SLC9A1: variants seen among roughly 807,000 people sequenced by gnomAD.
The protein encoded by SLC9A1 is solute carrier family 9 member A1.
A neutral mutation model predicts 67.9 loss-of-function variants in SLC9A1; 22 were observed. The observed-to-expected ratio is 0.32, with a 90% CI of 0.23 to 0.46. The LOEUF is 0.46. Among genes scored for constraint, SLC9A1 ranks in the 20% least tolerant of loss-of-function variants. The probability of loss-of-function intolerance (pLI) is 1.00; values close to 1 mark genes in which losing one functional copy is unlikely to be tolerated. For synonymous variants in SLC9A1, 421 were observed against 471.8 expected (o/e 0.89, Z 1.40); for missense variants, 686 against 1,094.8 (o/e 0.63, Z 5.27).
Position 27,101,943 on chromosome 1 carries a change from G to T in SLC9A1, c.1935+73C>A. ...GGGTGGGTGCCGAGGGGCACGGGCAGGGCAGGGCTGCCGTAGAGAGGGGCT... is the reference window on the plus strand; with the variant it reads ...GGGTGGGTGCCGAGGGGCACGGGCATGGCAGGGCTGCCGTAGAGAGGGGCT... On this transcript the variant is annotated intron_variant, in intron 9 of 11. Coordinates refer to ENST00000263980, the MANE Select transcript of SLC9A1 (RefSeq NM_003047.5). This position sits in a 1 kb window ranked among gnomAD's most constrained non-coding sequence, Gnocchi z 4.9. 1 of 1,437,998 alleles carries T rather than the reference G, an allele frequency of 7.0e-7. No individual in the cohort carries two copies. Among genetic ancestry groups the T allele is most frequent in the Non-Finnish European group, 9.8e-7 (1 of 1,024,028 alleles). 89.1% of individuals were successfully genotyped at this position (1,437,998 alleles called of 1,614,324 possible).
rs2083548597 is a variant in SLC9A1 at position 27,153,968 on chromosome 1, G to A, written c.352+15C>T. ...GTCTGGTGGCGGCCGCAGCATCGGAGCAAACGGGACTTACCTATCTTCATG... is the reference window on the plus strand; with the variant it reads ...GTCTGGTGGCGGCCGCAGCATCGGAACAAACGGGACTTACCTATCTTCATG... On this transcript the variant is annotated intron_variant, in intron 1 of 11. Transcript: ENST00000263980. 1 of 1,513,914 alleles carries A rather than the reference G, an allele frequency of 6.6e-7. No homozygotes were observed. Among genetic ancestry groups the A allele is most frequent in the South Asian group, 1.3e-5 (1 of 77,710 alleles). The allele number at this position is 1,513,914 out of a possible 1,614,324, so 93.8% of individuals were successfully genotyped here.
chr1:27,126,036 C>T (rs1273596205), intron 1 of SLC9A1, among the ~76,000 whole-genome samples: 1 of 152,176 alleles, frequency 6.6e-6, no homozygotes, highest in African/African-American at 2.4e-5. Context: ...ACAAACATGC[C>T]CCCACCTCAG....
intron 1 of SLC9A1, among the ~76,000 whole-genome samples, chr1:27,147,400 G>A (rs551722589): frequency 1.3e-5 from 2 of 151,636 alleles, no homozygotes; most frequent in African/African-American, 4.8e-5. Flanking sequence ...GTTGAAGTAG[G>A]AGAATCACTT....
intron 1 of SLC9A1, among the ~76,000 whole-genome samples, chr1:27,149,186 G>A (rs2083510328): frequency 6.6e-6 from 1 of 152,236 alleles, no homozygotes; most frequent in East Asian, 1.9e-4. Flanking sequence ...CCTGAGTGCA[G>A]GTGCAGTGAG....
At chr1:27,128,657 TAA>T (rs768704005) in intron 1 of SLC9A1, among the ~76,000 whole-genome samples, 92 of 106,550 alleles carry the variant, frequency 8.6e-4, no homozygotes, top group Admixed American at 1.5e-3. Flanking sequence ...ACCCTGTCTT[TAA>T]AAAAAAAAAA....
At chr1:27,123,969 G>C (rs1459128846) in intron 1 of SLC9A1, among the ~76,000 whole-genome samples, 1 of 152,166 alleles carries the variant, frequency 6.6e-6, no homozygotes, top group African/African-American at 2.4e-5. Context: ...TGGGATTACA[G>C]GTGTGTGCCA....
intron 1 of SLC9A1, among the ~76,000 whole-genome samples, chr1:27,136,627 G>A (rs1389470871): frequency 6.6e-6 from 1 of 152,024 alleles, no homozygotes; most frequent in Non-Finnish European, 1.5e-5. Context: ...CCTCTGAAGG[G>A]AGCCACCACC....
rs1427039260 is a variant in SLC9A1, at chr1:27,113,850, G to C, written c.789C>G (p.Ser263=). ...CCACAGTGACGGCGTCATTGAGCAA[G>C]GACTCCCCAAAAACAAGGATGTGCA... ...ELLHILVFGE[S]LLNDAVTVVL... The change falls in exon 2 of 12, where the codon TCC becomes TCG. Residue 263 remains serine (S), a synonymous_variant. Transcript: ENST00000263980. 6.2e-7 allele frequency: 1 copy of C among 1,613,484 alleles called. No homozygotes were observed. Among genetic ancestry groups the C allele is most frequent in the Admixed American group, 1.7e-5 (1 of 60,020 alleles).
In SLC9A1 at chr1:27,154,483, T is replaced by C. The variant is rs907163136; in HGVS notation, c.-149A>G. The C allele has an allele frequency of 2.8e-5, 15 of 530,038 alleles. No individual in the cohort carries two copies. The Admixed American group carries it at 3.4e-4, about 12-fold the overall frequency. The allele number at this position is 530,038 out of a possible 1,614,324, so 32.8% of individuals were successfully genotyped here. A position where few individuals can be genotyped will look rare whatever the true frequency, so the allele number is the denominator to read the frequency against. ...AGAGAGGCATTTCCATGGAAGCAAT[T>C]TTCTGGGGGTGGAGGGAGGCTGGGT... On this transcript the variant is annotated 5_prime_UTR_variant, in exon 1 of 12. Transcript: ENST00000263980.
At chr1:27,112,209 C>T (rs749318565) in intron 2 of SLC9A1, among the ~76,000 whole-genome samples, 2 of 152,178 alleles carry the variant, frequency 1.3e-5, no homozygotes, top group Non-Finnish European at 2.9e-5. Flanking sequence ...AGGATGGAGG[C>T]CTGCCTGCTC....
intron 1 of SLC9A1, among the ~76,000 whole-genome samples, chr1:27,115,048 G>A (rs887575487): frequency 6.6e-6 from 1 of 152,166 alleles, no homozygotes; most frequent in African/African-American, 2.4e-5. Context: ...TAAAGATGGG[G>A]CAACTAAGGC....
rs893883867 is a variant in SLC9A1, at chr1:27,099,518, T to A, written c.*789A>T. 1 of 152,616 alleles carries A rather than the reference T, an allele frequency of 6.6e-6. No homozygotes were observed. Among genetic ancestry groups the A allele is most frequent in the Non-Finnish European group, 1.5e-5 (1 of 68,086 alleles). The allele number at this position is 152,616 out of a possible 1,614,324, so 9.5% of individuals were successfully genotyped here. A position where few individuals can be genotyped will look rare whatever the true frequency, so the allele number is the denominator to read the frequency against. The stretch of plus-strand genomic sequence containing the variant: ...TTCAGCCAGGGGTTTTCAAAATGTT[T>A]TAAAAACAGGAGCGCCCTCTGTGCA... On this transcript the variant is annotated 3_prime_UTR_variant, in exon 12 of 12. Coordinates refer to ENST00000263980, the MANE Select transcript of SLC9A1 (RefSeq NM_003047.5).
intron 1 of SLC9A1, among the ~76,000 whole-genome samples, chr1:27,127,009 G>C (rs1168708818): frequency 6.6e-6 from 1 of 151,962 alleles, no homozygotes; most frequent in African/African-American, 2.4e-5. Flanking sequence ...TGCGGGGGGA[G>C]GGGGCAGGGA....
chr1:27,115,735 CAA>C (rs112070851), intron 1 of SLC9A1, among the ~76,000 whole-genome samples: 2 of 139,284 alleles, frequency 1.4e-5, no homozygotes, highest in African/African-American at 2.6e-5. Flanking sequence ...AGCCCAGCCT[CAA>C]AAAAAAAAAA....
Position 27,100,657 on chromosome 1 carries a change from A to T in SLC9A1, c.2111-13T>A, listed in dbSNP as rs200339796. 6.3e-7 allele frequency: 1 copy of T among 1,588,302 alleles called. No individual in the cohort carries two copies. Among genetic ancestry groups the T allele is most frequent in the African/African-American group, 1.3e-5 (1 of 74,526 alleles). On this transcript the variant is annotated splice_polypyrimidine_tract_variant and intron_variant, in intron 11 of 11. Coordinates refer to ENST00000263980, the MANE Select transcript of SLC9A1 (RefSeq NM_003047.5). This position sits in a 1 kb window ranked among gnomAD's most constrained non-coding sequence, Gnocchi z 5.6. ...TAGGCCAGTGGGTCTGGGGACCAAG[A>T]GCAAGGCACAAGCTGGGTTCCGCTC...
chr1:27,131,947 A>AAAAAAAT lies in SLC9A1; in HGVS notation c.353-17662_353-17661insATTTTTT. 3.1e-3 allele frequency among the ~76,000 whole-genome samples: 161 copies of AAAAAAAT among 52,088 alleles called. 1 individual carries two copies. Among genetic ancestry groups the AAAAAAAT allele is most frequent in the Non-Finnish European group, 4.7e-3 (122 of 26,054 alleles). 34.2% of individuals were successfully genotyped at this position (52,088 alleles called of 152,430 possible). The stretch of plus-strand genomic sequence containing the variant: ...AAAAGAAGAAGAAGAAGAAAAAAAA[A>AAAAAAAT]ATATATATATATATATATATATATA... On this transcript the variant is annotated intron_variant, in intron 1 of 11. Coordinates refer to ENST00000263980, the MANE Select transcript of SLC9A1 (RefSeq NM_003047.5).
rs1004479636 is a variant in SLC9A1 at position 27,109,991 on chromosome 1, A to G, written c.814-214T>C. ...GGGCCAGCCACGTGCCCCACTGGTG[A>G]AGGGTGGGCCCTGGGAAGCTCTGTG... On this transcript the variant is annotated intron_variant, in intron 2 of 11. Coordinates refer to ENST00000263980, the MANE Select transcript of SLC9A1 (RefSeq NM_003047.5). This position sits in a 1 kb window ranked among gnomAD's most constrained non-coding sequence, Gnocchi z 5.5. 2.6e-5 allele frequency among the ~76,000 whole-genome samples: 4 copies of G among 152,164 alleles called. No homozygotes were observed. The highest frequency in any genetic ancestry group is 2.0e-4 in the Admixed American group (3 of 15,280).
At chr1:27,128,471 C>T (rs1279807783) in intron 1 of SLC9A1, among the ~76,000 whole-genome samples, 5 of 151,944 alleles carry the variant, frequency 3.3e-5, no homozygotes, top group African/African-American at 7.3e-5. Flanking sequence ...GCCTGGGTAA[C>T]GTGGCAAAAC....
At position 27,114,213 on chromosome 1, in the gene SLC9A1, C is replaced by G. The variant is rs972362776; in HGVS notation, c.426G>C (p.Val142=). The change falls in exon 2 of 12, where the codon GTG becomes GTC. Residue 142 remains valine (V), a synonymous_variant. Coordinates refer to ENST00000263980, the MANE Select transcript of SLC9A1 (RefSeq NM_003047.5). This position sits in a 1 kb window ranked among gnomAD's most constrained non-coding sequence, Gnocchi z 5.4. ...CGCCTACACCCTTGATCAGGCCCCC[C>G]ACCAGCAGCCCCACCACGATCAGCA... The part of the protein sequence containing the change: ...SCLLIVVGLL[V]GGLIKGVGET... 3 of 1,614,024 alleles carry G rather than the reference C, an allele frequency of 1.9e-6. No individual in the cohort carries two copies. The highest frequency in any genetic ancestry group is 1.3e-5 in the African/African-American group (1 of 74,942).
Sources: gnomAD v4.1 joint callset for allele counts (sites outside exome capture counted in the v4.1 genomes callset) on GRCh38, gnomAD v4.1.1 for gene constraint, Gnocchi (gnomAD v3.1) non-coding constraint, MANE v1.5 for transcripts, NCBI Gene and HGNC (gene_info 2026-07-23, HGNC 2026-07-21) for gene names.